TNIK: variants seen among roughly 807,000 people sequenced by gnomAD.
TNIK encodes TRAF2 and NCK interacting kinase.
TNIK carries 49 observed loss-of-function variants against 191.3 expected under a neutral mutation model. That is an observed-to-expected ratio of 0.26 (90% CI 0.20 to 0.32). The LOEUF (loss-of-function observed/expected upper bound fraction) is 0.32, where lower values mean the gene tolerates loss of function less well. Among genes scored for constraint, TNIK ranks in the 10% least tolerant of loss-of-function variants. TNIK has a pLI of 1.00. For missense variants in TNIK, 1,155 were observed against 1,702.3 expected (o/e 0.68, Z 5.66); for synonymous variants, 594 against 600.9 (o/e 0.99, Z 0.17).
chr3:171,341,390 T>A (rs1294891811), intron 2 of TNIK, among the ~76,000 whole-genome samples: 1 of 142,490 alleles, frequency 7.0e-6, no homozygotes, highest in Admixed American at 7.6e-5. Context: ...GAGAATCGCT[T>A]GAACCCAGGA....
chr3:171,428,823 T>C (rs370682051), intron 1 of TNIK, among the ~76,000 whole-genome samples: 5 of 152,160 alleles, frequency 3.3e-5, no homozygotes, highest in African/African-American at 9.7e-5. Flanking sequence ...ATTCCTTCCA[T>C]AGCCTCCTCT....
intron 17 of TNIK, among the ~76,000 whole-genome samples, chr3:171,124,902 T>A (rs1193354033): frequency 6.6e-6 from 1 of 152,222 alleles, no homozygotes; most frequent in Non-Finnish European, 1.5e-5. Context: ...CTTTGCCCAC[T>A]TTATTTTTCA....
At chr3:171,190,613 C>A (rs1177050429) in intron 6 of TNIK, 84 bp downstream of exon 6, 2 of 1,066,794 alleles carry the variant, frequency 1.9e-6, no homozygotes, top group African/African-American at 1.6e-5. Flanking sequence ...TCCACGGTGA[C>A]AAATTAACAT....
At chr3:171,327,900 T>TTAAAAAAAAAAAA (rs1755963954) in intron 2 of TNIK, among the ~76,000 whole-genome samples, 1 of 79,622 alleles carries the variant, frequency 1.3e-5, no homozygotes, top group African/African-American at 4.1e-5. Context: ...ACCTGGCTCA[T>TTAAAAAAAAAAAA]AAAAAAAAAA....
chr3:171,411,060 A>G (rs1722343043), intron 1 of TNIK, among the ~76,000 whole-genome samples: 1 of 145,610 alleles, frequency 6.9e-6, no homozygotes, highest in Non-Finnish European at 1.5e-5. Flanking sequence ...GTAAAACATC[A>G]ATAATCTTTT....
At chr3:171,107,806 T>G (rs1409820607) in intron 20 of TNIK, among the ~76,000 whole-genome samples, 1 of 152,230 alleles carries the variant, frequency 6.6e-6, no homozygotes, top group Admixed American at 6.5e-5. Context: ...AATTATGGAA[T>G]GATAGGAGTT....
At chr3:171,264,851 G>C (rs1264499314) in intron 2 of TNIK, among the ~76,000 whole-genome samples, 2 of 152,204 alleles carry the variant, frequency 1.3e-5, no homozygotes, top group African/African-American at 4.8e-5. Flanking sequence ...TAAGGAGACA[G>C]AGGCCCAGAA....
At chr3:171,091,903 T>C (rs2173609) in intron 23 of TNIK, among the ~76,000 whole-genome samples, 10,123 of 151,840 alleles carry the variant, frequency 0.067, 407 homozygotes, top group Middle Eastern at 0.13. Context: ...CCTTAATAGA[T>C]CAAATTCCTA....
chr3:171,291,090 A>C (rs1751629642), intron 2 of TNIK, among the ~76,000 whole-genome samples: 1 of 152,110 alleles, frequency 6.6e-6, no homozygotes, highest in Non-Finnish European at 1.5e-5. Flanking sequence ...ATCTACTTAG[A>C]GTTCATACTG....
At chr3:171,365,627 T>C (rs965438091) in intron 2 of TNIK, among the ~76,000 whole-genome samples, 16 of 152,018 alleles carry the variant, frequency 1.1e-4, no homozygotes, top group African/African-American at 3.9e-4. Context: ...TGCAGGAAAA[T>C]GGACTGACAG....
intron 3 of TNIK, among the ~76,000 whole-genome samples, chr3:171,213,005 G>C (rs898337693): frequency 6.6e-6 from 1 of 152,122 alleles, no homozygotes; most frequent in Non-Finnish European, 1.5e-5. Context: ...CTGAGCTAAG[G>C]AGAAGCATGT....
chr3:171,414,300 T>C lies in TNIK; in HGVS notation c.58-44615A>G, dbSNP rs139415561. On this transcript the variant is annotated intron_variant, in intron 1 of 32. Transcript: ENST00000436636. ...AGTTCAGATATGCTGGTTTGAAGAA[T>C]AGCTGAGTAATTCATGAGGTTCTTT... Among the ~76,000 whole-genome samples, 477 of 152,368 alleles carry C rather than the reference T, an allele frequency of 3.1e-3. 3 individuals carry two copies. Among genetic ancestry groups the C allele is most frequent in the Middle Eastern group, 0.014 (4 of 294 alleles).
intron 28 of TNIK, among the ~76,000 whole-genome samples, chr3:171,075,750 T>TC (rs1719820255): frequency 6.6e-6 from 1 of 151,924 alleles, no homozygotes; most frequent in African/African-American, 2.4e-5. Context: ...TTTTTTTTTT[T>TC]CTTTGAGATG....
chr3:171,411,586 T>C (rs1722431909), intron 1 of TNIK, among the ~76,000 whole-genome samples: 1 of 152,180 alleles, frequency 6.6e-6, no homozygotes, highest in Non-Finnish European at 1.5e-5. Flanking sequence ...CACCTTTTTA[T>C]ACTGGTCTTC....
chr3:171,305,431 T>C (rs1753349107), intron 2 of TNIK, among the ~76,000 whole-genome samples: 1 of 152,112 alleles, frequency 6.6e-6, no homozygotes, highest in African/African-American at 2.4e-5. Flanking sequence ...ACAGAAAACC[T>C]ACAGGATGGG....
chr3:171,147,727 C>A (rs1331106030), intron 12 of TNIK, among the ~76,000 whole-genome samples: 1 of 152,186 alleles, frequency 6.6e-6, no homozygotes, highest in Non-Finnish European at 1.5e-5. Flanking sequence ...CCCTTTGAGG[C>A]AGGTAATACT....
intron 1 of TNIK, among the ~76,000 whole-genome samples, chr3:171,411,761 T>TA (rs1722458097): frequency 6.6e-6 from 1 of 152,188 alleles, no homozygotes. Flanking sequence ...AACTGCTCAT[T>TA]AAAGTCAGGC....
intron 1 of TNIK, among the ~76,000 whole-genome samples, chr3:171,426,519 C>T (rs1459109056): frequency 6.6e-6 from 1 of 151,806 alleles, no homozygotes; most frequent in Non-Finnish European, 1.5e-5. Context: ...CAAACCTGCA[C>T]GTTGTGCACA....
intron 1 of TNIK, among the ~76,000 whole-genome samples, chr3:171,418,872 CTT>C (rs2108624047): frequency 6.6e-6 from 1 of 152,280 alleles, no homozygotes; most frequent in African/African-American, 2.4e-5. Flanking sequence ...AACTACAGAA[CTT>C]TACTGTCTTA....
Sources: allele counts gnomAD v4.1 joint callset (sites outside exome capture counted in the v4.1 genomes callset), GRCh38; gene constraint gnomAD v4.1.1; transcripts MANE v1.5; gene names NCBI Gene and HGNC (gene_info 2026-07-23, HGNC 2026-07-21).